The following RBFOX1 variants were observed in gnomAD, a reference collection of about 807,000 sequenced individuals.
RBFOX1 encodes the protein RNA binding fox-1 homolog 1, also known as RNA binding protein fox-1 homolog 1.
Under a neutral mutation model 57.7 loss-of-function variants are expected in RBFOX1, and 8 were observed. That is an observed-to-expected ratio of 0.14 (90% confidence interval 0.08 to 0.25). RBFOX1 has a LOEUF of 0.25. Among genes scored for constraint, RBFOX1 ranks in the 10% least tolerant of loss-of-function variants. The pLI is 1.00. For missense variants in RBFOX1, 611 were observed against 548.5 expected, an observed-to-expected ratio of 1.11 and a Z score of -1.14; for synonymous variants, 326 against 222.4, an observed-to-expected ratio of 1.47 and a Z score of -4.15.
intron 3 of RBFOX1, among the ~76,000 whole-genome samples, chr16:5,806,318 C>G (rs770544652): frequency 6.6e-6 from 1 of 152,146 alleles, no homozygotes; most frequent in African/African-American, 2.4e-5. Flanking sequence ...TGGCATTTGG[C>G]GTCTGGTGAG....
At chr16:7,192,658 G>A (rs781018078) in intron 4 of RBFOX1, among the ~76,000 whole-genome samples, 7 of 152,090 alleles carry the variant, frequency 4.6e-5, no homozygotes, top group South Asian at 2.1e-4. Context: ...GTATTGTTTC[G>A]ACGTCAATTT....
chr16:7,265,766 A>C (rs1008824684), intron 4 of RBFOX1, among the ~76,000 whole-genome samples: 3 of 151,964 alleles, frequency 2.0e-5, no homozygotes, highest in Non-Finnish European at 4.4e-5. Flanking sequence ...TTTTCTGATA[A>C]GGACACTAAT....
intron 4 of RBFOX1, among the ~76,000 whole-genome samples, chr16:7,320,880 G>C (rs558289977): frequency 6.6e-6 from 1 of 152,306 alleles, no homozygotes. Flanking sequence ...ATTAATTGAG[G>C]TTCAGAAAGT....
At chr16:5,600,316 TAAAA>T (rs941637896), downstream of RBFOX1, among the ~76,000 whole-genome samples, 2 of 138,778 alleles carry the variant, frequency 1.4e-5, no homozygotes, top group African/African-American at 5.5e-5. Flanking sequence ...TAAAAAAAAA[TAAAA>T]AAAAAACAAA....
intron 1 of RBFOX1, among the ~76,000 whole-genome samples, chr16:6,058,870 A>G (rs529869529): frequency 6.6e-6 from 1 of 150,882 alleles, no homozygotes; most frequent in South Asian, 2.1e-4. Context: ...CCATCCATCC[A>G]TCCATCCATC....
At chr16:7,021,812 G>A (rs2039212947) in intron 3 of RBFOX1, among the ~76,000 whole-genome samples, 1 of 150,840 alleles carries the variant, frequency 6.6e-6, no homozygotes, top group African/African-American at 2.4e-5. Context: ...AGCCTTTATA[G>A]ATTTATTTCT....
chr16:6,990,938 C>G (rs2091319641), intron 3 of RBFOX1, among the ~76,000 whole-genome samples: 1 of 151,972 alleles, frequency 6.6e-6, no homozygotes, highest in Admixed American at 6.6e-5. Flanking sequence ...CCAATGAGAA[C>G]CACCACATTG....
At chr16:5,440,805 C>T (rs2068061157) in intron 1 of RBFOX1, among the ~76,000 whole-genome samples, 1 of 152,286 alleles carries the variant, frequency 6.6e-6, no homozygotes, top group South Asian at 2.1e-4. Context: ...ATGAGATTCT[C>T]ATGAGCTGGG....
intron 2 of RBFOX1, among the ~76,000 whole-genome samples, chr16:6,579,131 C>T (rs1360299875): frequency 1.3e-5 from 2 of 152,088 alleles, no homozygotes; most frequent in South Asian, 4.2e-4. Flanking sequence ...TTGGTTCTAC[C>T]TAGAGAAATT....
At chr16:6,110,644 G>A (rs944540940) in intron 1 of RBFOX1, among the ~76,000 whole-genome samples, 3 of 152,162 alleles carry the variant, frequency 2.0e-5, no homozygotes, top group Non-Finnish European at 2.9e-5. Context: ...GACACTCCAC[G>A]AGTGGCATGA....
At chr16:7,364,061 T>C (rs937733587) in intron 4 of RBFOX1, among the ~76,000 whole-genome samples, 3 of 152,194 alleles carry the variant, frequency 2.0e-5, no homozygotes, top group African/African-American at 7.2e-5. Flanking sequence ...GCTTTGGGAC[T>C]CCCAAGTCCT....
chr16:5,622,702 C>G lies in RBFOX1; in HGVS notation c.318+23741C>G, dbSNP rs192769595. ...TCATTTATGTATTGTGGCTTTCCTGCTACAATATCAGAGCTGAATAGTTGC... is the reference window on the plus strand; with the variant it reads ...TCATTTATGTATTGTGGCTTTCCTGGTACAATATCAGAGCTGAATAGTTGC... On this transcript the variant is annotated intron_variant, in intron 3 of 19. Coordinates refer to the RBFOX1 transcript ENST00000641259. Among the ~76,000 whole-genome samples, 4 of 152,328 alleles carry G rather than the reference C, an allele frequency of 2.6e-5. No homozygotes were observed. The East Asian group carries it at 7.7e-4, about 29-fold the overall frequency.
intron 1 of RBFOX1, among the ~76,000 whole-genome samples, chr16:5,400,918 A>G (rs944296484): frequency 1.3e-5 from 2 of 151,930 alleles, no homozygotes; most frequent in South Asian, 2.1e-4. Flanking sequence ...TCATTTTTCT[A>G]TTGGGGCATT....
chr16:7,384,598 G>C lies in RBFOX1; in HGVS notation c.28-133549G>C, dbSNP rs775568107. On this transcript the variant is annotated intron_variant, in intron 4 of 15. Transcript: ENST00000550418. ...TTTTCCCATGGGGAAATAGGAGGGA[G>C]AGGGGTCATGGAGTGAACAGCTTTG... 6.9e-4 allele frequency among the ~76,000 whole-genome samples: 105 copies of C among 152,172 alleles called. 1 individual carries two copies. Among genetic ancestry groups the C allele is most frequent in the Admixed American group, 3.3e-4 (5 of 15,274 alleles).
intron 4 of RBFOX1, among the ~76,000 whole-genome samples, chr16:7,232,308 A>G (rs2093546873): frequency 6.6e-6 from 1 of 152,170 alleles, no homozygotes; most frequent in South Asian, 2.1e-4. Context: ...ATGGAGACCA[A>G]GGGAGAAAAC....
intron 3 of RBFOX1, among the ~76,000 whole-genome samples, chr16:6,710,321 AT>A (rs1307117140): frequency 5.9e-5 from 9 of 152,224 alleles, no homozygotes; most frequent in Admixed American, 5.2e-4. Flanking sequence ...TAATGACTGC[AT>A]TTTTTAACAG....
chr16:7,533,108 G>A (rs1221523113), intron 5 of RBFOX1, among the ~76,000 whole-genome samples: 1 of 152,208 alleles, frequency 6.6e-6, no homozygotes. Flanking sequence ...AGCACTGCCT[G>A]TAGGGTTTTA....
chr16:6,384,409 T>G (rs149096220), intron 2 of RBFOX1, among the ~76,000 whole-genome samples: 105 of 152,352 alleles, frequency 6.9e-4, no homozygotes, highest in African/African-American at 2.5e-3. Flanking sequence ...TCTGCTAGGG[T>G]GGCACCCAGC....
At chr16:7,526,178 G>A (rs1196987648) in intron 5 of RBFOX1, among the ~76,000 whole-genome samples, 1 of 152,128 alleles carries the variant, frequency 6.6e-6, no homozygotes, top group Non-Finnish European at 1.5e-5. Context: ...GATTATCTGA[G>A]GTGCAACCAT....
Sources: gnomAD v4.1 joint callset for allele counts (sites outside exome capture counted in the v4.1 genomes callset) on GRCh38, gnomAD v4.1.1 for gene constraint, MANE v1.5 for transcripts, NCBI Gene and HGNC (gene_info 2026-07-23, HGNC 2026-07-21) for gene names.